The following DMD variants were observed in gnomAD, a reference collection of about 807,000 sequenced individuals.
DMD encodes dystrophin, also known as mutant dystrophin.
DMD carries 63 observed loss-of-function variants against 330.1 expected under a neutral mutation model. That is an observed-to-expected ratio of 0.19 (90% CI 0.16 to 0.24). The LOEUF is 0.24. Ranked by LOEUF, DMD falls within the 10% of genes least tolerant of loss-of-function variation. The pLI is 1.00. For synonymous variants in DMD, 1,223 were observed against 959.8 expected (o/e 1.27, Z -5.07); for missense variants, 3,344 against 2,684.1 (o/e 1.25, Z -5.43).
chrX:31,885,207 C>T (rs6628655), intron 47 of DMD, among the ~76,000 whole-genome samples: 6 of 111,383 alleles, frequency 5.4e-5, no homozygotes, highest in African/African-American at 2.0e-4. Flanking sequence ...CATAAGGTTA[C>T]TAGTAAGTAA....
chrX:32,752,518 G>A (rs1265369221), intron 7 of DMD, among the ~76,000 whole-genome samples: 1 of 106,469 alleles, frequency 9.4e-6, no homozygotes, highest in African/African-American at 3.4e-5. Context: ...TGATTTTATA[G>A]GCTCACAGGC....
intron 2 of DMD, among the ~76,000 whole-genome samples, chrX:33,007,301 T>A (rs1569548545): frequency 9.0e-6 from 1 of 110,800 alleles, no homozygotes; most frequent in Admixed American, 9.7e-5. Flanking sequence ...TTGACTCCCT[T>A]GTTATCCCAC....
At chrX:33,223,139 G>A (rs928943685) in intron 1 of DMD, among the ~76,000 whole-genome samples, 2 of 110,858 alleles carry the variant, frequency 1.8e-5, no homozygotes, top group African/African-American at 3.3e-5. Context: ...ATGAAGCCCC[G>A]TCTGTACTAA....
At chrX:33,025,291 A>G (rs2093975542) in intron 1 of DMD, among the ~76,000 whole-genome samples, 1 of 111,384 alleles carries the variant, frequency 9.0e-6, no homozygotes, top group Non-Finnish European at 1.9e-5. Context: ...GTGATAAGAA[A>G]CTGAAAGTAC....
At chrX:32,965,525 G>T (rs1270742262) in intron 2 of DMD, among the ~76,000 whole-genome samples, 1 of 106,398 alleles carries the variant, frequency 9.4e-6, no homozygotes, top group Non-Finnish European at 1.9e-5. Flanking sequence ...GGGGTGGGGG[G>T]GTTACTTGGG....
intron 7 of DMD, among the ~76,000 whole-genome samples, chrX:32,794,453 G>A (rs2076043296): frequency 9.0e-6 from 1 of 111,404 alleles, no homozygotes; most frequent in Non-Finnish European, 1.9e-5. Flanking sequence ...GCCGGGCATG[G>A]TGGCAGATGC....
chrX:32,556,980 T>C (rs1351236780), intron 16 of DMD, among the ~76,000 whole-genome samples: 1 of 111,884 alleles, frequency 8.9e-6, no homozygotes, highest in Non-Finnish European at 1.9e-5. Flanking sequence ...TGAAGCTTTC[T>C]GCATGATCCA....
chrX:31,278,793 T>C (rs1376454677), intron 62 of DMD, among the ~76,000 whole-genome samples: 1 of 111,935 alleles, frequency 8.9e-6, no homozygotes, highest in Admixed American at 9.5e-5. Flanking sequence ...AATTGGCAAG[T>C]GTGTGCCTGA....
intron 63 of DMD, among the ~76,000 whole-genome samples, chrX:31,243,460 CA>C (rs1244958438): frequency 8.9e-6 from 1 of 111,925 alleles, no homozygotes; most frequent in Non-Finnish European, 1.9e-5. Context: ...CTCAACATAA[CA>C]CACAAAAAAG....
intron 22 of DMD, among the ~76,000 whole-genome samples, chrX:32,469,870 C>A (rs908838624): frequency 1.1e-4 from 12 of 111,141 alleles, no homozygotes; most frequent in African/African-American, 3.9e-4. Flanking sequence ...CTCAATCAAT[C>A]AATATCCTAT....
intron 7 of DMD, among the ~76,000 whole-genome samples, chrX:32,783,235 T>TAC (rs1229861239): frequency 1.0e-5 from 1 of 100,168 alleles, no homozygotes; most frequent in African/African-American, 3.6e-5. Flanking sequence ...TATACGTATA[T>TAC]ACACATATGT....
chrX:31,893,253 T>C (rs1216741861), intron 47 of DMD, among the ~76,000 whole-genome samples: 1 of 111,949 alleles, frequency 8.9e-6, no homozygotes, highest in African/African-American at 3.2e-5. Flanking sequence ...TAGTAGCTTG[T>C]CTTGAACAAG....
In DMD at chrX:33,280,339, T is replaced by A. The variant is rs145368152; in HGVS notation, c.7+58920A>T. The stretch of plus-strand genomic sequence containing the variant: ...GCAAAAGTTTTTTATTTTAATGAGG[T>A]TCACTTTATCAAAATTTCCTTTTAT... On this transcript the variant is annotated intron_variant, in intron 1 of 17. Coordinates refer to the DMD transcript ENST00000288447. Among the ~76,000 whole-genome samples the A allele has an allele frequency of 4.5e-3, 507 of 112,309 alleles. 9 individuals carry two copies. The highest frequency in any genetic ancestry group is 0.041 in the Admixed American group (429 of 10,577).
intron 55 of DMD, among the ~76,000 whole-genome samples, chrX:31,528,866 C>T (rs756022897): frequency 4.4e-4 from 49 of 111,361 alleles, no homozygotes; most frequent in Non-Finnish European, 9.0e-4. Context: ...CACACTGGCT[C>T]ATGCCTGTAA....
chrX:31,280,426 G>A (rs1003284409), intron 62 of DMD, among the ~76,000 whole-genome samples: 11 of 111,080 alleles, frequency 9.9e-5, no homozygotes, highest in African/African-American at 3.3e-4. Context: ...ACGATCAGTG[G>A]TTGCCTAGAA....
At chrX:31,559,557 C>T (rs1258952615) in intron 55 of DMD, among the ~76,000 whole-genome samples, 1 of 70,710 alleles carries the variant, frequency 1.4e-5, no homozygotes, top group South Asian at 6.9e-4. Flanking sequence ...AGGAGAATGG[C>T]GTGAACCCGG....
chrX:31,530,180 CTG>C (rs1332224002), intron 55 of DMD, among the ~76,000 whole-genome samples: 1 of 112,091 alleles, frequency 8.9e-6, no homozygotes. Flanking sequence ...ACATTTCTAA[CTG>C]TATCTAGAGA....
At chrX:33,283,011 G>A (rs898627284) in intron 1 of DMD, among the ~76,000 whole-genome samples, 4 of 112,080 alleles carry the variant, frequency 3.6e-5, no homozygotes, top group African/African-American at 1.3e-4. Context: ...TCTTCACTAT[G>A]AGGAGCAGGG....
chrX:33,136,521 A>C (rs2095528964), intron 1 of DMD, among the ~76,000 whole-genome samples: 1 of 109,006 alleles, frequency 9.2e-6, no homozygotes, highest in East Asian at 2.9e-4. Context: ...TCCAAAATTC[A>C]TATGTAGAAA....
Sources: allele counts gnomAD v4.1 joint callset (sites outside exome capture counted in the v4.1 genomes callset), GRCh38; gene constraint gnomAD v4.1.1; transcripts MANE v1.5; gene names NCBI Gene and HGNC (gene_info 2026-07-23, HGNC 2026-07-21).